KALRN: variants seen among roughly 807,000 people sequenced by gnomAD.
The protein encoded by KALRN is kalirin.
Under a neutral mutation model 353.7 loss-of-function variants are expected in KALRN, and 70 were observed. That is an observed-to-expected ratio of 0.20 (90% CI 0.16 to 0.24). The LOEUF (loss-of-function observed/expected upper bound fraction) is 0.24. Among genes scored for constraint, KALRN ranks in the 10% least tolerant of loss-of-function variants. The probability of loss-of-function intolerance (pLI) is 1.00; values close to 1 mark genes in which losing one functional copy is unlikely to be tolerated. For synonymous variants in KALRN, 1,391 were observed against 1,434.8 expected, an observed-to-expected ratio of 0.97 and a Z score of 0.69; for missense variants, 2,791 against 3,756.7, an observed-to-expected ratio of 0.74 and a Z score of 6.72.
At chr3:124,160,692 C>T (rs982978544) in intron 1 of KALRN, among the ~76,000 whole-genome samples, 7 of 152,192 alleles carry the variant, frequency 4.6e-5, no homozygotes, top group East Asian at 1.9e-4. Flanking sequence ...ACCACTCCAA[C>T]ACCTTCTTTC....
intron 34 of KALRN, chr3:124,584,843 T>C: frequency 6.2e-7 from 1 of 1,606,232 alleles, no homozygotes; most frequent in South Asian, 1.1e-5. Flanking sequence ...CGACAGGGCT[T>C]ACACCCGAGG....
At chr3:124,304,455 TTCTC>T (rs2077525291) in intron 6 of KALRN, among the ~76,000 whole-genome samples, 1 of 152,178 alleles carries the variant, frequency 6.6e-6, no homozygotes, top group Non-Finnish European at 1.5e-5. Context: ...AGAAAACTAT[TTCTC>T]TATGAAGATC....
intron 10 of KALRN, among the ~76,000 whole-genome samples, chr3:124,377,903 TTCTGTCCTTTTAC>T (rs1225300477): frequency 6.6e-6 from 1 of 152,154 alleles, no homozygotes; most frequent in Non-Finnish European, 1.5e-5. Context: ...CTGTATCTTT[TTCTGTCCTTTTAC>T]TCTTACCCTA....
At chr3:124,447,229 A>G (rs1028360398) in intron 21 of KALRN, among the ~76,000 whole-genome samples, 3 of 152,238 alleles carry the variant, frequency 2.0e-5, no homozygotes, top group African/African-American at 7.2e-5. Context: ...GCATGTGAAC[A>G]CTGCAGATAT....
intron 1 of KALRN, among the ~76,000 whole-genome samples, chr3:124,141,555 A>G (rs2066632099): frequency 6.6e-6 from 1 of 152,200 alleles, no homozygotes; most frequent in Admixed American, 6.5e-5. Flanking sequence ...TTTAAACTGT[A>G]CTATGATTTA....
intron 5 of KALRN, among the ~76,000 whole-genome samples, chr3:124,297,018 C>T (rs2076901722): frequency 6.6e-6 from 1 of 152,194 alleles, no homozygotes; most frequent in South Asian, 2.1e-4. Flanking sequence ...ACATTGTGTG[C>T]CAGATTATAA....
At chr3:124,330,381 G>A (rs569327427) in intron 8 of KALRN, among the ~76,000 whole-genome samples, 1 of 151,956 alleles carries the variant, frequency 6.6e-6, no homozygotes, top group Non-Finnish European at 1.5e-5. Context: ...TCTGGAGGTT[G>A]CTTTCTGGTT....
rs998984906 is a variant in KALRN, at chr3:124,462,687, A to G, written c.4031+54A>G. The G allele has an allele frequency of 7.8e-6, 8 of 1,028,940 alleles. No individual in the cohort carries two copies. In the Admixed American group the frequency reaches 1.3e-4, roughly 17 times the overall value. The allele number at this position is 1,028,940 out of a possible 1,614,324, so 63.7% of individuals were successfully genotyped here. Reference sequence around the variant, plus strand: ...ACACTTAGGCCGTAAAAACCAGACAACAGGGTTCCCAAGAAGTGGATCAAA... The same window carrying G: ...ACACTTAGGCCGTAAAAACCAGACAGCAGGGTTCCCAAGAAGTGGATCAAA... On this transcript the variant is annotated intron_variant, in intron 25 of 59. Coordinates refer to ENST00000682506, the MANE Select transcript of KALRN (RefSeq NM_001388419.1).
chr3:124,191,235 T>TAGGCACGA (rs2074871875), intron 1 of KALRN, among the ~76,000 whole-genome samples: 4 of 151,826 alleles, frequency 2.6e-5, no homozygotes, highest in Admixed American at 2.0e-4. Flanking sequence ...TTTTATGGAG[T>TAGGCACGA]CTTCATTGTA....
At chr3:124,453,469 GAT>G in intron 21 of KALRN, among the ~76,000 whole-genome samples, 1 of 152,074 alleles carries the variant, frequency 6.6e-6, no homozygotes, top group South Asian at 2.1e-4. Flanking sequence ...TGGGAGGGTT[GAT>G]CTCTCATGGG....
intron 47 of KALRN, among the ~76,000 whole-genome samples, chr3:124,669,062 A>G (rs929940044): frequency 6.6e-6 from 1 of 152,230 alleles, no homozygotes; most frequent in East Asian, 1.9e-4. Context: ...AGCATTTTAC[A>G]TGGTTTTTCA....
intron 3 of KALRN, among the ~76,000 whole-genome samples, chr3:124,239,182 A>G (rs2080143695): frequency 6.6e-6 from 1 of 152,232 alleles, no homozygotes; most frequent in Admixed American, 6.5e-5. Context: ...CAGCTGATGA[A>G]TGTCCCTAGA....
chr3:124,667,208 C>G lies in KALRN; in HGVS notation c.6703+25C>G, dbSNP rs767145615. The stretch of plus-strand genomic sequence containing the variant: ...GGTGGGTGCTGGGCTTGGTTCCTTG[C>G]AGGGCTGTGTCAGGGGACTCCACGA... On this transcript the variant is annotated intron_variant, in intron 47 of 59. Coordinates refer to ENST00000682506, the MANE Select transcript of KALRN (RefSeq NM_001388419.1). The G allele has an allele frequency of 3.1e-6, 5 of 1,603,660 alleles. No individual in the cohort carries two copies. In the African/African-American group the frequency reaches 4.0e-5, roughly 13 times the overall value.
chr3:124,651,311 C>T (rs1016382211), intron 38 of KALRN, among the ~76,000 whole-genome samples: 2 of 152,156 alleles, frequency 1.3e-5, no homozygotes, highest in Non-Finnish European at 2.9e-5. Flanking sequence ...ATAGAGATCA[C>T]CTAAGAAAAC....
intron 26 of KALRN, 71 bp downstream of exon 26, chr3:124,474,803 C>A: frequency 1.7e-6 from 2 of 1,204,994 alleles, no homozygotes; most frequent in Non-Finnish European, 2.5e-6. Flanking sequence ...GACCTAAGGA[C>A]TGGAGTCATT....
chr3:124,047,755 G>T (rs1343729076), intron 1 of KALRN, among the ~76,000 whole-genome samples: 3 of 151,394 alleles, frequency 2.0e-5, no homozygotes, highest in African/African-American at 7.3e-5. Context: ...CGCCTGCCTT[G>T]GCCTCCCGAA....
intron 1 of KALRN, among the ~76,000 whole-genome samples, chr3:124,044,266 C>T (rs2149097244): frequency 6.6e-6 from 1 of 152,268 alleles, no homozygotes; most frequent in African/African-American, 2.4e-5. Context: ...GAGTAGGAAT[C>T]TGGCTGTTGC....
intron 57 of KALRN, among the ~76,000 whole-genome samples, chr3:124,708,710 A>G (rs570179212): frequency 6.6e-6 from 1 of 152,276 alleles, no homozygotes; most frequent in Admixed American, 6.5e-5. Context: ...TGCAGAAAAA[A>G]TTTTTGAAGA....
chr3:124,531,665 T>C (rs2068053740), intron 33 of KALRN, among the ~76,000 whole-genome samples: 1 of 152,046 alleles, frequency 6.6e-6, no homozygotes. Flanking sequence ...CACACACTTT[T>C]AAACAACCAA....
Sources: allele counts gnomAD v4.1 joint callset (sites outside exome capture counted in the v4.1 genomes callset), GRCh38; gene constraint gnomAD v4.1.1; transcripts MANE v1.5; gene names NCBI Gene and HGNC (gene_info 2026-07-23, HGNC 2026-07-21).